Variants in SLC39A11 observed in about 807,000 individuals in gnomAD.
SLC39A11 encodes the protein zinc transporter ZIP11.
In SLC39A11, 33 loss-of-function variants were observed where a neutral mutation model predicts 36.1. The ratio of observed to expected loss-of-function variants is 0.91; its 90% CI spans 0.69 to 1.22. The LOEUF (loss-of-function observed/expected upper bound fraction) is 1.22. SLC39A11 is among the 50% of genes most tolerant of loss of function. The pLI is 0.00. For missense variants in SLC39A11, 432 were observed against 430.3 expected, an observed-to-expected ratio of 1.00 and a Z score of -0.03; for synonymous variants, 166 against 170.3, an observed-to-expected ratio of 0.97 and a Z score of 0.20.
chr17:72,903,744 G>C (rs1181566206), intron 5 of SLC39A11, among the ~76,000 whole-genome samples: 1 of 152,154 alleles, frequency 6.6e-6, no homozygotes, highest in African/African-American at 2.4e-5. Context: ...GGCTTGATTG[G>C]TCTTTTTATT....
chr17:72,865,610 C>T (rs747956048), intron 5 of SLC39A11, among the ~76,000 whole-genome samples: 5 of 151,830 alleles, frequency 3.3e-5, no homozygotes, highest in Non-Finnish European at 5.9e-5. Context: ...TGATCCAGGA[C>T]GCTGAAGACC....
In SLC39A11 at chr17:72,852,204, C is replaced by CAAAAAAAAAA. The variant is rs1167034424; in HGVS notation, c.431-2410_431-2401dup. On this transcript the variant is annotated intron_variant, in intron 5 of 9. Coordinates refer to ENST00000255559, the MANE Select transcript of SLC39A11 (RefSeq NM_139177.4). Reference sequence around the variant, plus strand: ...TGGGCAACAGAGCAAGACTCCGTCTCAAAAAAAAAAAAAAAAAAAAAAAAC... The same window carrying CAAAAAAAAAA: ...TGGGCAACAGAGCAAGACTCCGTCTCAAAAAAAAAAAAAAAAAAAAAAAAAAAAAAAAAAC... Among the ~76,000 whole-genome samples, 208 of 39,904 alleles carry CAAAAAAAAAA rather than the reference C, an allele frequency of 5.2e-3. 21 individuals are homozygous for CAAAAAAAAAA. Among genetic ancestry groups the CAAAAAAAAAA allele is most frequent in the Middle Eastern group, 0.016 (1 of 64 alleles). 26.2% of individuals were successfully genotyped at this position (39,904 alleles called of 152,430 possible). A position where few individuals can be genotyped will look rare whatever the true frequency, so the allele number is the denominator to read the frequency against.
At chr17:72,670,737 G>GTT (rs1369804417) in intron 7 of SLC39A11, among the ~76,000 whole-genome samples, 4 of 152,154 alleles carry the variant, frequency 2.6e-5, no homozygotes, top group African/African-American at 9.7e-5. Context: ...CAAAAGATGC[G>GTT]TTTTGATATG....
chr17:73,071,640 G>A (rs2060164814), intron 3 of SLC39A11, among the ~76,000 whole-genome samples: 1 of 152,146 alleles, frequency 6.6e-6, no homozygotes, highest in Non-Finnish European at 1.5e-5. Context: ...ATTGCATCAG[G>A]GGCCAGCAGA....
intron 6 of SLC39A11, among the ~76,000 whole-genome samples, chr17:72,842,078 A>ATGTGTGTG (rs61185081): frequency 0.089 from 13,263 of 148,538 alleles, 671 homozygotes; most frequent in African/African-American, 0.13. Flanking sequence ...TCAAAAAACT[A>ATGTGTGTG]TGTGTGTGTG....
At chr17:72,694,000 T>G (rs1189498697) in intron 7 of SLC39A11, among the ~76,000 whole-genome samples, 1 of 152,030 alleles carries the variant, frequency 6.6e-6, no homozygotes, top group Non-Finnish European at 1.5e-5. Flanking sequence ...CTCCCTGCCC[T>G]GACTCTCCCG....
At chr17:73,042,746 G>A (rs1284373057) in intron 3 of SLC39A11, among the ~76,000 whole-genome samples, 1 of 152,190 alleles carries the variant, frequency 6.6e-6, no homozygotes, top group Non-Finnish European at 1.5e-5. Flanking sequence ...AGGTTGCAGT[G>A]AGCCGAGAAC....
intron 6 of SLC39A11, among the ~76,000 whole-genome samples, chr17:72,778,776 C>A (rs1234931282): frequency 6.6e-6 from 1 of 152,224 alleles, no homozygotes; most frequent in Non-Finnish European, 1.5e-5. Context: ...CTGAGCAAGA[C>A]CTTTTCCCTT....
At chr17:73,091,072 T>G (rs1453728936) in intron 1 of SLC39A11, among the ~76,000 whole-genome samples, 1 of 152,192 alleles carries the variant, frequency 6.6e-6, no homozygotes, top group Non-Finnish European at 1.5e-5. Context: ...AGGGTCTGCA[T>G]TTTGTGGAAT....
At chr17:72,949,860 C>T (rs974332717) in intron 4 of SLC39A11, among the ~76,000 whole-genome samples, 4 of 151,848 alleles carry the variant, frequency 2.6e-5, no homozygotes, top group Non-Finnish European at 5.9e-5. Flanking sequence ...CACATAAATG[C>T]ATCCATTTAT....
intron 4 of SLC39A11, among the ~76,000 whole-genome samples, chr17:72,963,169 C>CTTTTTTT (rs5821936): frequency 3.3e-4 from 38 of 114,546 alleles, no homozygotes; most frequent in Non-Finnish European, 4.6e-4. Context: ...TTTTTCCTTT[C>CTTTTTTT]TTTTTTTTTT....
At chr17:72,794,283 T>C (rs1001609861) in intron 6 of SLC39A11, among the ~76,000 whole-genome samples, 1 of 152,044 alleles carries the variant, frequency 6.6e-6, no homozygotes, top group Non-Finnish European at 1.5e-5. Flanking sequence ...GAAAGGAGCT[T>C]GCTGGAGAAA....
intron 4 of SLC39A11, among the ~76,000 whole-genome samples, chr17:73,006,283 A>C (rs2090175636): frequency 6.6e-6 from 1 of 152,210 alleles, no homozygotes; most frequent in African/African-American, 2.4e-5. Context: ...CATATAAATA[A>C]ATACATCCAA....
At chr17:72,706,251 G>A (rs993572936) in intron 7 of SLC39A11, among the ~76,000 whole-genome samples, 4 of 152,150 alleles carry the variant, frequency 2.6e-5, no homozygotes, top group Admixed American at 1.3e-4. Flanking sequence ...GAGTCTCTGC[G>A]GTTTGTCTGG....
chr17:72,976,775 G>A (rs536543576), intron 4 of SLC39A11, among the ~76,000 whole-genome samples: 83 of 152,084 alleles, frequency 5.5e-4, no homozygotes, highest in Non-Finnish European at 5.9e-4. Flanking sequence ...ACTTGAACCC[G>A]GGAGGCAGAG....
At chr17:72,842,810 T>C (rs992212122) in intron 6 of SLC39A11, among the ~76,000 whole-genome samples, 2 of 152,180 alleles carry the variant, frequency 1.3e-5, no homozygotes, top group African/African-American at 2.4e-5. Context: ...CTGCACTCTG[T>C]TTCTGGAGTC....
chr17:72,948,833 A>G (rs1653193638), intron 4 of SLC39A11, among the ~76,000 whole-genome samples: 1 of 152,220 alleles, frequency 6.6e-6, no homozygotes, highest in Non-Finnish European at 1.5e-5. Context: ...GGTTCTTCTG[A>G]AGCTTGTGTT....
intron 7 of SLC39A11, among the ~76,000 whole-genome samples, chr17:72,699,992 G>A (rs1051669639): frequency 3.9e-5 from 6 of 152,156 alleles, no homozygotes; most frequent in Admixed American, 3.3e-4. Context: ...CCTCCAGAGT[G>A]GTACTTCTGG....
chr17:73,009,554 G>A (rs955853619), intron 4 of SLC39A11, among the ~76,000 whole-genome samples: 4 of 152,114 alleles, frequency 2.6e-5, no homozygotes, highest in African/African-American at 9.7e-5. Context: ...TGGAGAGTAA[G>A]CGAAGAATGG....
Sources: gnomAD v4.1 joint callset for allele counts (sites outside exome capture counted in the v4.1 genomes callset) on GRCh38, gnomAD v4.1.1 for gene constraint, MANE v1.5 for transcripts, NCBI Gene and HGNC (gene_info 2026-07-23, HGNC 2026-07-21) for gene names.